Variants in MACROD2 observed in about 807,000 individuals in gnomAD.
MACROD2 encodes mono-ADP ribosylhydrolase 2.
MACROD2 carries 36 observed loss-of-function variants against 70.4 expected under a neutral mutation model. That is an observed-to-expected ratio of 0.51 (90% CI 0.39 to 0.68). The LOEUF (loss-of-function observed/expected upper bound fraction) is 0.68. Ranked by LOEUF, MACROD2 falls within the 30% of genes least tolerant of loss-of-function variation. The pLI, the probability that MACROD2 is intolerant of heterozygous loss-of-function variation, is 0.00. For missense variants in MACROD2, 496 were observed against 538.4 expected, an observed-to-expected ratio of 0.92 and a Z score of 0.78; for synonymous variants, 172 against 178.8, an observed-to-expected ratio of 0.96 and a Z score of 0.30.
At chr20:15,149,132 G>C (rs2076250975) in intron 5 of MACROD2, among the ~76,000 whole-genome samples, 1 of 152,056 alleles carries the variant, frequency 6.6e-6, no homozygotes, top group African/African-American at 2.4e-5. Flanking sequence ...TAATTTGCCA[G>C]TCCTGGGTGG....
chr20:15,946,079 C>T (rs1439859159), intron 12 of MACROD2, among the ~76,000 whole-genome samples: 1 of 152,128 alleles, frequency 6.6e-6, no homozygotes, highest in East Asian at 1.9e-4. Context: ...ACAGAAACCT[C>T]CAGTCATGCC....
At chr20:14,506,842 T>C (rs907557567) in intron 4 of MACROD2, among the ~76,000 whole-genome samples, 2 of 152,100 alleles carry the variant, frequency 1.3e-5, no homozygotes, top group Non-Finnish European at 2.9e-5. Context: ...TCCCAGCTAC[T>C]CGTGAGGCTG....
intron 5 of MACROD2, among the ~76,000 whole-genome samples, chr20:14,934,362 A>G (rs949500363): frequency 6.6e-6 from 1 of 152,222 alleles, no homozygotes; most frequent in African/African-American, 2.4e-5. Context: ...GAGCAGCAGC[A>G]TAGCTGCTCT....
At chr20:15,884,568 C>T (rs1341145441) in intron 9 of MACROD2, among the ~76,000 whole-genome samples, 1 of 151,898 alleles carries the variant, frequency 6.6e-6, no homozygotes, top group Non-Finnish European at 1.5e-5. Context: ...ATTTGGCAGT[C>T]ACGTGTAAAA....
intron 5 of MACROD2, among the ~76,000 whole-genome samples, chr20:14,727,572 G>T (rs140821628): frequency 1.3e-5 from 2 of 152,118 alleles, no homozygotes; most frequent in East Asian, 3.9e-4. Flanking sequence ...AAGAAACAAA[G>T]TAGTTACTTT....
chr20:14,288,964 T>C (rs1173074631), intron 3 of MACROD2, among the ~76,000 whole-genome samples: 2 of 152,194 alleles, frequency 1.3e-5, no homozygotes, highest in Non-Finnish European at 2.9e-5. Flanking sequence ...TTGACAGAGA[T>C]GGCTCATGGG....
intron 5 of MACROD2, among the ~76,000 whole-genome samples, chr20:15,123,569 A>T (rs1025630711): frequency 1.1e-4 from 16 of 149,412 alleles, no homozygotes; most frequent in Admixed American, 2.0e-4. Flanking sequence ...AATATTTTGG[A>T]TATATTATGA....
chr20:15,160,931 G>A (rs1268750398), intron 5 of MACROD2, among the ~76,000 whole-genome samples: 1 of 152,040 alleles, frequency 6.6e-6, no homozygotes, highest in Non-Finnish European at 1.5e-5. Context: ...TTACTAGAGA[G>A]ATAGAAGTTT....
intron 2 of MACROD2, among the ~76,000 whole-genome samples, chr20:14,027,221 C>T (rs757775408): frequency 1.5e-4 from 23 of 152,214 alleles, no homozygotes; most frequent in Non-Finnish European, 4.4e-5. Context: ...TCTTCAATCT[C>T]TGATATCCTT....
At chr20:15,363,241 C>T (rs1052150360) in intron 6 of MACROD2, among the ~76,000 whole-genome samples, 2 of 152,162 alleles carry the variant, frequency 1.3e-5, no homozygotes, top group African/African-American at 2.4e-5. Context: ...TTAGTGGTGA[C>T]ACATGAAATC....
At chr20:14,876,262 A>G (rs1415482830) in intron 5 of MACROD2, among the ~76,000 whole-genome samples, 5 of 147,322 alleles carry the variant, frequency 3.4e-5, no homozygotes, top group Admixed American at 1.4e-4. Context: ...TGGCTGCTTT[A>G]TGTCTTCTTT....
intron 3 of MACROD2, among the ~76,000 whole-genome samples, chr20:14,141,182 A>G (rs2054868435): frequency 1.3e-5 from 2 of 152,166 alleles, no homozygotes; most frequent in Non-Finnish European, 2.9e-5. Flanking sequence ...TCTGCTTGTA[A>G]TAGGCCAAGA....
At position 14,535,851 on chromosome 20, in the gene MACROD2, G is replaced by A. The variant is rs545259249; in HGVS notation, c.301+42343G>A. Among the ~76,000 whole-genome samples the A allele has an allele frequency of 2.6e-5, 4 of 152,240 alleles. No homozygotes were observed. In the East Asian group the frequency reaches 5.8e-4, roughly 22 times the overall value. ...AAGAAGGTATTCTAGAATTGAATTT[G>A]TAGAAGATTTCACTAGTTCTTCAAG... On this transcript the variant is annotated intron_variant, in intron 4 of 17. Coordinates refer to ENST00000684519, the MANE Select transcript of MACROD2 (RefSeq NM_001351661.2).
At chr20:14,508,706 A>T (rs1221026876) in intron 4 of MACROD2, among the ~76,000 whole-genome samples, 1 of 152,174 alleles carries the variant, frequency 6.6e-6, no homozygotes, top group Non-Finnish European at 1.5e-5. Flanking sequence ...TTAAATAAAT[A>T]TATTTATTCA....
At chr20:14,831,620 A>T (rs980345086) in intron 5 of MACROD2, among the ~76,000 whole-genome samples, 10 of 151,564 alleles carry the variant, frequency 6.6e-5, no homozygotes, top group Non-Finnish European at 1.3e-4. Flanking sequence ...CTTTACTAAA[A>T]AATACAAACA....
In MACROD2 at chr20:14,347,316, C is replaced by A. The variant is rs1017548735; in HGVS notation, c.272-146163C>A. 2.0e-5 allele frequency among the ~76,000 whole-genome samples: 3 copies of A among 152,064 alleles called. No homozygotes were observed. The East Asian group carries it at 5.8e-4, about 29-fold the overall frequency. On this transcript the variant is annotated intron_variant, in intron 3 of 17. Transcript: ENST00000684519. ...CATAATGCACATATGAGAGGTCACC[C>A]ATCCTTGTAGTGCGTTTTGGGGATG... is the stretch of plus-strand genomic sequence containing the variant.
intron 4 of MACROD2, among the ~76,000 whole-genome samples, chr20:14,514,366 T>C (rs2085066394): frequency 1.3e-5 from 2 of 152,132 alleles, no homozygotes; most frequent in Admixed American, 1.3e-4. Context: ...ATGTTCTTTC[T>C]AGCCTGTTAG....
intron 2 of MACROD2, among the ~76,000 whole-genome samples, chr20:14,058,758 C>T (rs962333752): frequency 2.0e-5 from 3 of 151,736 alleles, no homozygotes; most frequent in Non-Finnish European, 4.4e-5. Context: ...ATTCTTCTGC[C>T]TCAGCCTCCT....
Position 14,015,577 on chromosome 20 carries a change from TTAAAA to T in MACROD2, c.163+13175_163+13179del, listed in dbSNP as rs548510296. Among the ~76,000 whole-genome samples, 46 of 152,300 alleles carry T rather than the reference TTAAAA, an allele frequency of 3.0e-4. 1 individual carries two copies. The highest frequency in any genetic ancestry group is 2.7e-3 in the Admixed American group (41 of 15,296). On this transcript the variant is annotated intron_variant, in intron 2 of 17. Coordinates refer to ENST00000684519, the MANE Select transcript of MACROD2 (RefSeq NM_001351661.2). Reference sequence around the variant, plus strand: ...TGGGCAACAGAGTAGACCTCCTCTCTTAAAATGAAATGAAAGAAACTTTGTAAACT... The same window carrying T: ...TGGGCAACAGAGTAGACCTCCTCTCTTGAAATGAAAGAAACTTTGTAAACT...
Sources: gnomAD v4.1 joint callset for allele counts (sites outside exome capture counted in the v4.1 genomes callset) on GRCh38, gnomAD v4.1.1 for gene constraint, MANE v1.5 for transcripts, NCBI Gene and HGNC (gene_info 2026-07-23, HGNC 2026-07-21) for gene names.